MCPH1: variants seen among roughly 807,000 people sequenced by gnomAD.
The protein encoded by MCPH1 is microcephalin 1, also known as microcephalin.
Under a neutral mutation model 84.5 loss-of-function variants are expected in MCPH1, and 104 were observed. The ratio of observed to expected loss-of-function variants is 1.23; its 90% CI spans 1.05 to 1.45. MCPH1 has a LOEUF of 1.45. Among genes scored for constraint, MCPH1 ranks in the 40% most tolerant of loss-of-function variants. The pLI is 0.00. For missense variants in MCPH1, 1,498 were observed against 1,005.7 expected, an observed-to-expected ratio of 1.49 and a Z score of -6.62; for synonymous variants, 514 against 366.8, an observed-to-expected ratio of 1.40 and a Z score of -4.58.
At chr8:6,632,162 T>C (rs949362198) in intron 13 of MCPH1, among the ~76,000 whole-genome samples, 3 of 152,184 alleles carry the variant, frequency 2.0e-5, no homozygotes, top group Non-Finnish European at 4.4e-5. Context: ...TATAGTTGAA[T>C]TACCAAGGGT....
chr8:6,423,556 T>C (rs1319471338), intron 3 of MCPH1, among the ~76,000 whole-genome samples: 120 of 152,240 alleles, frequency 7.9e-4, no homozygotes, highest in Non-Finnish European at 1.8e-4. Context: ...TATTTTGTAG[T>C]AGCTGTCCAG....
chr8:6,505,312 ATATATATGT>A (rs2129564278), intron 12 of MCPH1, among the ~76,000 whole-genome samples: 1 of 51,344 alleles, frequency 1.9e-5, no homozygotes, highest in African/African-American at 1.2e-4. Flanking sequence ...TGTATATAAC[ATATATATGT>A]TATATACATA....
At chr8:6,553,683 A>G (rs1256125041) in intron 12 of MCPH1, among the ~76,000 whole-genome samples, 5 of 139,346 alleles carry the variant, frequency 3.6e-5, no homozygotes, top group African/African-American at 1.4e-4. Flanking sequence ...TTTTTTTTTT[A>G]CCTCTCCCCT....
intron 12 of MCPH1, among the ~76,000 whole-genome samples, chr8:6,607,648 G>T (rs10099777): frequency 0.63 from 95,396 of 152,022 alleles, 32,836 homozygotes; most frequent in Non-Finnish European, 0.79. Context: ...CGAATCATGG[G>T]GGCAGTTTCC....
intron 13 of MCPH1, among the ~76,000 whole-genome samples, chr8:6,640,344 G>A (rs1311047241): frequency 6.6e-6 from 1 of 151,972 alleles, no homozygotes; most frequent in African/African-American, 2.4e-5. Flanking sequence ...TATTTCCTAT[G>A]TCCTATAAAT....
intron 12 of MCPH1, among the ~76,000 whole-genome samples, chr8:6,594,991 C>G (rs984545384): frequency 1.3e-5 from 2 of 152,146 alleles, no homozygotes; most frequent in African/African-American, 4.8e-5. Context: ...TATGTATTAA[C>G]CAAGAACCTC....
intron 13 of MCPH1, chr8:6,634,764 T>G (rs548563340): frequency 6.6e-6 from 1 of 152,346 alleles, no homozygotes; most frequent in East Asian, 1.9e-4. Flanking sequence ...ATCCTCCAGC[T>G]GAAATTCTCA....
intron 12 of MCPH1, chr8:6,619,183 C>T (rs1831156897): frequency 6.6e-6 from 1 of 152,170 alleles, no homozygotes; most frequent in African/African-American, 2.4e-5. Context: ...GATCGGTGCC[C>T]CCCAGAAGAA....
In MCPH1 at chr8:6,445,296, T is replaced by C. The variant is rs1804153941; in HGVS notation, c.1574T>C (p.Phe525Ser). 10 of 1,614,232 alleles carry C rather than the reference T, an allele frequency of 6.2e-6. No homozygotes were observed. Among genetic ancestry groups the C allele is most frequent in the African/African-American group, 1.3e-5 (1 of 75,046 alleles). The change falls in exon 8 of 14, where the codon TTT (phenylalanine) becomes TCT (serine). Residue 525 changes from phenylalanine to serine, a missense_variant. Phe to Ser is a radical substitution (Grantham distance 155, BLOSUM62 -2). Coordinates refer to ENST00000344683, the MANE Select transcript of MCPH1 (RefSeq NM_024596.5). ...GACGCATGCCCAGAGGGAAATGGCT[T>C]TTCTTACACCATTGAGGACCCTGCT... ...KEDACPEGNG[F>S]SYTIEDPALP...
chr8:6,525,054 T>G (rs1466587675), intron 12 of MCPH1, among the ~76,000 whole-genome samples: 1 of 152,262 alleles, frequency 6.6e-6, no homozygotes, highest in Non-Finnish European at 1.5e-5. Context: ...CTCGGGCCCC[T>G]TTTAGTTCGA....
intron 12 of MCPH1, among the ~76,000 whole-genome samples, chr8:6,575,239 T>G (rs1175497104): frequency 2.6e-5 from 4 of 152,216 alleles, no homozygotes; most frequent in African/African-American, 4.8e-5. Flanking sequence ...TACACAATCT[T>G]AACTAATATT....
chr8:6,512,252 T>G (rs1209986889), intron 12 of MCPH1, among the ~76,000 whole-genome samples: 1 of 152,206 alleles, frequency 6.6e-6, no homozygotes, highest in Non-Finnish European at 1.5e-5. Flanking sequence ...AGTTTTCAGT[T>G]GGTTGTTCAG....
At chr8:6,540,835 G>A (rs1821418676) in intron 12 of MCPH1, among the ~76,000 whole-genome samples, 1 of 152,250 alleles carries the variant, frequency 6.6e-6, no homozygotes, top group African/African-American at 2.4e-5. Flanking sequence ...GGCGCCGCAG[G>A]GTGGTTCGCA....
At chr8:6,422,364 C>T (rs866398941) in intron 3 of MCPH1, among the ~76,000 whole-genome samples, 3 of 152,086 alleles carry the variant, frequency 2.0e-5, no homozygotes, top group Non-Finnish European at 4.4e-5. Context: ...TTTTAAAAGT[C>T]GTATAGAAAT....
chr8:6,569,422 C>G (rs547421329), intron 12 of MCPH1, among the ~76,000 whole-genome samples: 2 of 152,306 alleles, frequency 1.3e-5, no homozygotes, highest in African/African-American at 4.8e-5. Flanking sequence ...TTCCCCAGTG[C>G]TGCTCATCAT....
intron 12 of MCPH1, among the ~76,000 whole-genome samples, chr8:6,575,757 A>G (rs1158950163): frequency 6.6e-6 from 1 of 152,182 alleles, no homozygotes; most frequent in Non-Finnish European, 1.5e-5. Flanking sequence ...TCTTTATAAG[A>G]GGACGGTCAT....
chr8:6,515,688 G>C (rs1302575875), intron 12 of MCPH1, among the ~76,000 whole-genome samples: 1 of 152,168 alleles, frequency 6.6e-6, no homozygotes, highest in Non-Finnish European at 1.5e-5. Context: ...ATGTTTTCCA[G>C]AAAGTAAGAT....
chr8:6,584,567 C>A (rs1216528727), intron 12 of MCPH1, among the ~76,000 whole-genome samples: 4 of 152,190 alleles, frequency 2.6e-5, no homozygotes, highest in African/African-American at 9.7e-5. Flanking sequence ...AGACCTAACT[C>A]TTTTAGATCA....
chr8:6,439,075 AG>A lies in MCPH1; in HGVS notation c.562del (p.Glu188LysfsTer10). On this transcript the variant is annotated frameshift_variant, in exon 6 of 14. Coordinates refer to ENST00000344683, the MANE Select transcript of MCPH1 (RefSeq NM_024596.5). LOFTEE classifies it high-confidence loss of function. ...GAGATTACAAGAGATGAAGGAGAAA[AG>A]GGAAAATCTTTCCCCCACCTGTAAG... ...EKRLQEMKEK[R>X]ENLSPTSSQM... 1 of 1,613,438 alleles carries A rather than the reference AG, an allele frequency of 6.2e-7. No individual in the cohort carries two copies. The highest frequency in any genetic ancestry group is 8.5e-7 in the Non-Finnish European group (1 of 1,179,812).
Sources: allele counts gnomAD v4.1 joint callset (sites outside exome capture counted in the v4.1 genomes callset), GRCh38; gene constraint gnomAD v4.1.1; transcripts MANE v1.5; gene names NCBI Gene and HGNC (gene_info 2026-07-23, HGNC 2026-07-21).